Variants in ANKRD13C observed in about 807,000 individuals in gnomAD.
ANKRD13C encodes the protein ankyrin repeat domain-containing protein 13C.
A neutral mutation model predicts 65.5 loss-of-function variants in ANKRD13C; 16 were observed. The observed-to-expected ratio is 0.24, with a 90% CI of 0.17 to 0.37. ANKRD13C has a LOEUF of 0.37. ANKRD13C is among the 10% of genes least tolerant of loss of function. The pLI is 1.00. For missense variants in ANKRD13C, 503 were observed against 655.9 expected (o/e 0.77, Z 2.55); for synonymous variants, 235 against 238.7 (o/e 0.98, Z 0.14).
chr1:70,315,105 G>A (rs1018197899), intron 4 of ANKRD13C, among the ~76,000 whole-genome samples: 4 of 152,078 alleles, frequency 2.6e-5, no homozygotes, highest in Non-Finnish European at 5.9e-5. Context: ...CTGGGCGACA[G>A]AGTGAGGCGC....
intron 5 of ANKRD13C, among the ~76,000 whole-genome samples, chr1:70,306,860 T>C (rs1373868012): frequency 2.6e-5 from 4 of 152,220 alleles, no homozygotes; most frequent in African/African-American, 9.6e-5. Flanking sequence ...TTGCTATCTA[T>C]AGCTCATATA....
At chr1:70,265,895 G>A (rs1678607059) in intron 12 of ANKRD13C, among the ~76,000 whole-genome samples, 1 of 149,292 alleles carries the variant, frequency 6.7e-6, no homozygotes, top group Non-Finnish European at 1.5e-5. Flanking sequence ...GGAATGGAGG[G>A]AGGGAAAGAG....
intron 9 of ANKRD13C, among the ~76,000 whole-genome samples, chr1:70,288,495 C>T (rs1679719776): frequency 6.6e-6 from 1 of 152,134 alleles, no homozygotes; most frequent in South Asian, 2.1e-4. Flanking sequence ...AGATGTTCTT[C>T]AACATGTGAA....
intron 1 of ANKRD13C, among the ~76,000 whole-genome samples, chr1:70,349,873 T>G (rs1572189541): frequency 1.3e-5 from 2 of 152,148 alleles, no homozygotes; most frequent in Admixed American, 1.3e-4. Context: ...TGGTGGCTCA[T>G]GCCTGTAATC....
intron 11 of ANKRD13C, among the ~76,000 whole-genome samples, chr1:70,273,648 C>G (rs992748964): frequency 1.3e-5 from 2 of 151,806 alleles, no homozygotes; most frequent in African/African-American, 2.4e-5. Context: ...TGTAAAACTT[C>G]AAGACACACT....
chr1:70,274,717 T>G lies in ANKRD13C; in HGVS notation c.1394+3A>C. On this transcript the variant is annotated splice_donor_region_variant and intron_variant, in intron 11 of 12. Coordinates refer to ENST00000370944, the MANE Select transcript of ANKRD13C (RefSeq NM_030816.5). ...AAACATTTGTAGTTAGTAACAAACT[T>G]ACAACTCTATCCCTAAGGGAAATTC... 1 of 1,603,116 alleles carries G rather than the reference T, an allele frequency of 6.2e-7. No homozygotes were observed. The highest frequency in any genetic ancestry group is 1.1e-5 in the South Asian group (1 of 90,828).
chr1:70,295,272 C>T (rs1158050410), intron 8 of ANKRD13C, among the ~76,000 whole-genome samples: 6 of 151,210 alleles, frequency 4.0e-5, no homozygotes, highest in South Asian at 2.1e-4. Flanking sequence ...TTTTTTGAGA[C>T]GGAGTCTCAC....
In ANKRD13C at chr1:70,313,747, C is replaced by T. The variant is rs929822590; in HGVS notation, c.707G>A (p.Trp236Ter). The T allele has an allele frequency of 6.2e-7, 1 of 1,607,336 alleles. No homozygotes were observed. Among genetic ancestry groups the T allele is most frequent in the African/African-American group, 1.3e-5 (1 of 74,762 alleles). Residue 236 changes from tryptophan to a stop codon, truncating the protein, a stop_gained and splice_region_variant, in exon 5 of 13, where the codon TGG becomes TAG. Transcript: ENST00000370944. LOFTEE classifies it high-confidence loss of function. ...ACTAAAACATAGCATACTCTTACCC[C>T]AGCTTTGAAAATCCCAGTGAAGTTC... ...YLELHWDFQS[W>*]VPLLSRILPS...
intron 9 of ANKRD13C, among the ~76,000 whole-genome samples, chr1:70,281,386 T>C (rs1679379724): frequency 6.7e-6 from 1 of 149,724 alleles, no homozygotes; most frequent in African/African-American, 2.5e-5. Flanking sequence ...TGTTATCATG[T>C]GACTAAATTC....
rs550490962 is a variant in ANKRD13C at position 70,305,513 on chromosome 1, T to TATAC, written c.776+707_776+710dup. Among the ~76,000 whole-genome samples the TATAC allele has an allele frequency of 3.8e-3, 571 of 152,148 alleles. 4 individuals are homozygous for TATAC. Among genetic ancestry groups the TATAC allele is most frequent in the African/African-American group, 0.013 (522 of 41,542 alleles). On this transcript the variant is annotated intron_variant, in intron 6 of 12. Coordinates refer to ENST00000370944, the MANE Select transcript of ANKRD13C (RefSeq NM_030816.5). ...ATACACAAAATTATATATATACATG[T>TATAC]ATACTATTTATAAATATACCAATAT...
intron 5 of ANKRD13C, among the ~76,000 whole-genome samples, chr1:70,308,682 T>A (rs1213451687): frequency 7.1e-6 from 1 of 141,832 alleles, no homozygotes; most frequent in Non-Finnish European, 1.5e-5. Context: ...GAACTTGCAG[T>A]GAGCCGAGAT....
chr1:70,283,752 G>A (rs1255105669), intron 9 of ANKRD13C, among the ~76,000 whole-genome samples: 5 of 151,922 alleles, frequency 3.3e-5, no homozygotes, highest in Admixed American at 6.6e-5. Flanking sequence ...AGGTTGCAGT[G>A]AGCTGAGATC....
Position 70,292,501 on chromosome 1 carries a change from C to G in ANKRD13C, c.1102G>C (p.Val368Leu). 1.9e-6 allele frequency: 3 copies of G among 1,607,548 alleles called. No individual in the cohort carries two copies. The highest frequency in any genetic ancestry group is 2.5e-6 in the Non-Finnish European group (3 of 1,178,416). Residue 368 changes from valine (V) to leucine (L), a missense_variant, in exon 9 of 13, where the codon GTT becomes CTT. Val to Leu is a conservative substitution (Grantham distance 32). Transcript: ENST00000370944. ...TCTCTTCTTTTCCTTGATTCTAAAA[C>G]AAGTCCATTCACCAGGTAAAAGTCT... ...LADFYLVNGL[V>L]LESRKRREHL...
chr1:70,309,672 G>A (rs1204269220), intron 5 of ANKRD13C, among the ~76,000 whole-genome samples: 4 of 147,438 alleles, frequency 2.7e-5, no homozygotes, highest in Non-Finnish European at 4.5e-5. Context: ...CTTGCAGTGA[G>A]CCGAGATCGC....
intron 9 of ANKRD13C, among the ~76,000 whole-genome samples, chr1:70,282,471 TCA>T (rs1181487036): frequency 6.6e-6 from 1 of 152,100 alleles, no homozygotes; most frequent in East Asian, 1.9e-4. Flanking sequence ...CCACACAAAC[TCA>T]GATTTTTACA....
intron 3 of ANKRD13C, among the ~76,000 whole-genome samples, chr1:70,318,153 T>G (rs1407340442): frequency 6.6e-6 from 1 of 152,164 alleles, no homozygotes; most frequent in Non-Finnish European, 1.5e-5. Context: ...TACACAAAAT[T>G]ACCAATTACC....
intron 9 of ANKRD13C, among the ~76,000 whole-genome samples, chr1:70,283,176 A>T (rs1679471106): frequency 1.3e-5 from 2 of 152,174 alleles, no homozygotes; most frequent in Non-Finnish European, 2.9e-5. Flanking sequence ...AAATAGATTC[A>T]AAGTCCTTTA....
At chr1:70,274,497 GA>G (rs1346656187) in intron 11 of ANKRD13C, among the ~76,000 whole-genome samples, 80 of 119,250 alleles carry the variant, frequency 6.7e-4, no homozygotes, top group African/African-American at 2.6e-3. Flanking sequence ...AAAAAAAAAA[GA>G]AAGAAAGAAA....
In ANKRD13C at chr1:70,340,703, T is replaced by G. The variant is rs1313696587; in HGVS notation, c.431-4604A>C. 2.0e-5 allele frequency among the ~76,000 whole-genome samples: 3 copies of G among 152,238 alleles called. No homozygotes were observed. The East Asian group carries it at 5.8e-4, about 29-fold the overall frequency. On this transcript the variant is annotated intron_variant, in intron 1 of 12. Coordinates refer to ENST00000370944, the MANE Select transcript of ANKRD13C (RefSeq NM_030816.5). ...TTCTAGCAAGTTTTGCTCGATATAT[T>G]TTGAAGCCATGTTATCAAGTGCAAT...
Sources: allele counts gnomAD v4.1 joint callset (sites outside exome capture counted in the v4.1 genomes callset), GRCh38; gene constraint gnomAD v4.1.1; transcripts MANE v1.5; gene names NCBI Gene and HGNC (gene_info 2026-07-23, HGNC 2026-07-21).